Variants in AKAP19 observed in about 807,000 individuals in gnomAD.
AKAP19 encodes the protein small A-kinase anchoring protein.
the AKAP19 span, among the ~76,000 whole-genome samples, chr2:190,082,428 C>T: frequency 6.6e-6 from 1 of 152,284 alleles, no homozygotes; most frequent in East Asian, 1.9e-4. Context: ...CTCTCCTTTC[C>T]AAATTTCTGA....
the AKAP19 span, among the ~76,000 whole-genome samples, chr2:190,038,974 C>CTTCTTCTTCTTCTTCT: frequency 7.9e-6 from 1 of 126,140 alleles, no homozygotes; most frequent in East Asian, 2.3e-4. Flanking sequence ...CTTCTTCTTT[C>CTTCTTCTTCTTCTTCT]TTCTTCTTCT....
At chr2:190,060,291 A>T in the AKAP19 span, 1 of 1,613,042 alleles carries the variant, frequency 6.2e-7, no homozygotes, top group Non-Finnish European at 8.5e-7. Context: ...GAGTCTCAGG[A>T]TTTGCACAAA....
the AKAP19 span, among the ~76,000 whole-genome samples, chr2:190,005,710 G>A: frequency 1.3e-5 from 2 of 152,182 alleles, no homozygotes; most frequent in Non-Finnish European, 2.9e-5. Context: ...ATGACCATGG[G>A]GTTGGGAGTG....
chr2:190,140,921 T>C, the AKAP19 span, among the ~76,000 whole-genome samples: 1 of 152,210 alleles, frequency 6.6e-6, no homozygotes, highest in Non-Finnish European at 1.5e-5. Flanking sequence ...TTGAACACTT[T>C]ACCACTTAGA....
the AKAP19 span, among the ~76,000 whole-genome samples, chr2:190,077,614 CTTAT>C: frequency 6.6e-6 from 1 of 152,124 alleles, no homozygotes; most frequent in Admixed American, 6.5e-5. Flanking sequence ...TTATCTATGT[CTTAT>C]TTATTTATTT....
chr2:190,189,195 CT>C, the AKAP19 span, among the ~76,000 whole-genome samples: 1 of 152,178 alleles, frequency 6.6e-6, no homozygotes, highest in Admixed American at 6.6e-5. Context: ...TGGGAAGGAG[CT>C]ATCTTGGTCT....
At chr2:190,165,607 G>C in the AKAP19 span, among the ~76,000 whole-genome samples, 2 of 152,110 alleles carry the variant, frequency 1.3e-5, no homozygotes, top group Non-Finnish European at 2.9e-5. Context: ...TCAATATGCA[G>C]CACAAAGATA....
chr2:189,972,312 G>C, the AKAP19 span, among the ~76,000 whole-genome samples: 1 of 152,120 alleles, frequency 6.6e-6, no homozygotes, highest in South Asian at 2.1e-4. Context: ...TATTATTTCT[G>C]AGGGTTCTGT....
chr2:190,132,872 G>A, the AKAP19 span, among the ~76,000 whole-genome samples: 254 of 152,226 alleles, frequency 1.7e-3, 17 homozygotes, highest in Non-Finnish European at 1.5e-3. Context: ...GAAGATATTT[G>A]CAAACCATGC....
At chr2:190,031,718 T>C in the AKAP19 span, among the ~76,000 whole-genome samples, 5 of 152,284 alleles carry the variant, frequency 3.3e-5, no homozygotes, top group African/African-American at 9.6e-5. Context: ...GCAATGAAGA[T>C]AGTAGTAACA....
chr2:189,957,918 C>G, the AKAP19 span, among the ~76,000 whole-genome samples: 3 of 152,082 alleles, frequency 2.0e-5, no homozygotes, highest in Admixed American at 6.6e-5. Context: ...CTTGGCCTCC[C>G]GAGTAGCAGG....
the AKAP19 span, among the ~76,000 whole-genome samples, chr2:190,121,473 C>T: frequency 6.6e-6 from 1 of 152,160 alleles, no homozygotes; most frequent in East Asian, 1.9e-4. Context: ...ATTCACAAAA[C>T]TTATGAGTCA....
At chr2:190,045,548 C>A in the AKAP19 span, among the ~76,000 whole-genome samples, 1 of 152,224 alleles carries the variant, frequency 6.6e-6, no homozygotes, top group South Asian at 2.1e-4. Flanking sequence ...GGATCCCTTT[C>A]CCCCTGGCCC....
At chr2:190,021,262 A>G in the AKAP19 span, among the ~76,000 whole-genome samples, 6 of 152,162 alleles carry the variant, frequency 3.9e-5, no homozygotes, top group Non-Finnish European at 8.8e-5. Flanking sequence ...CTAGATGCTT[A>G]TTGCTATTAC....
the AKAP19 span, among the ~76,000 whole-genome samples, chr2:190,076,216 G>T: frequency 6.6e-6 from 1 of 152,080 alleles, no homozygotes; most frequent in Non-Finnish European, 1.5e-5. Flanking sequence ...TTGGCATTTT[G>T]GGCTGGATTA....
the AKAP19 span, among the ~76,000 whole-genome samples, chr2:189,961,811 C>T: frequency 6.6e-6 from 1 of 151,790 alleles, no homozygotes; most frequent in East Asian, 1.9e-4. Context: ...ACTCGGGAGG[C>T]TGAGGCAGGA....
chr2:190,165,236 A>G, the AKAP19 span, among the ~76,000 whole-genome samples: 17 of 152,304 alleles, frequency 1.1e-4, no homozygotes, highest in South Asian at 3.5e-3. Flanking sequence ...CAGGAGTTCG[A>G]GACTAGCCTG....
chr2:190,068,210 C>T, the AKAP19 span, among the ~76,000 whole-genome samples: 1 of 152,186 alleles, frequency 6.6e-6, no homozygotes, highest in Non-Finnish European at 1.5e-5. Flanking sequence ...GTCCTCTAAT[C>T]CCTACCCTTC....
the AKAP19 span, chr2:189,930,861 T>G: frequency 1.3e-6 from 1 of 742,590 alleles, no homozygotes; most frequent in Admixed American, 1.9e-5. Flanking sequence ...TGCTAGGTGT[T>G]GGATGGTAGA....
Sources: gnomAD v4.1 joint callset for allele counts (sites outside exome capture counted in the v4.1 genomes callset) on GRCh38, gnomAD v4.1.1 for gene constraint, MANE v1.5 for transcripts, NCBI Gene and HGNC (gene_info 2026-07-23, HGNC 2026-07-21) for gene names.